ZCWPW1: variants seen among roughly 807,000 people sequenced by gnomAD.
The protein encoded by ZCWPW1 is zinc finger CW-type PWWP domain protein 1.
In ZCWPW1, 56 loss-of-function variants were observed where a neutral mutation model predicts 81.3. The ratio of observed to expected loss-of-function variants is 0.69; its 90% confidence interval spans 0.56 to 0.86. The LOEUF is 0.86. ZCWPW1 is among the 40% of genes least tolerant of loss of function. The pLI, the probability that ZCWPW1 is intolerant of heterozygous loss-of-function variation, is 0.00. For synonymous variants in ZCWPW1, 250 were observed against 273.7 expected (o/e 0.91, Z 0.86); for missense variants, 650 against 769.8 (o/e 0.84, Z 1.84).
chr7:100,419,654 G>T lies in ZCWPW1; in HGVS notation c.258C>A (p.Asn86Lys). 6.2e-7 allele frequency: 1 copy of T among 1,611,680 alleles called. No homozygotes were observed. Among genetic ancestry groups the T allele is most frequent in the Non-Finnish European group, 8.5e-7 (1 of 1,179,434 alleles). ...EQEKKRKAQINKQAEKKEKEK... is the reference protein window; with the variant it reads ...EQEKKRKAQIKKQAEKKEKEK... ...CCTTTTCTTTCTTCTCTGCTTGCTT[G>T]TTGATTTGTGCCTTTCTTTTTTTCT... The change falls in exon 4 of 18, where the codon AAC becomes AAA. Residue 86 changes from asparagine to lysine, a missense_variant. Asn to Lys is a moderately conservative substitution (Grantham distance 94). Transcript: ENST00000684423.
intron 1 of ZCWPW1, among the ~76,000 whole-genome samples, chr7:100,427,941 T>C (rs67196635): frequency 0.21 from 31,238 of 150,054 alleles, 3,489 homozygotes; most frequent in African/African-American, 0.27. Context: ...CCCCCACTCC[T>C]GCCGAGGCCC....
chr7:100,401,891 G>C lies in ZCWPW1; in HGVS notation c.1625C>G (p.Pro542Arg). Residue 542 changes from proline (P) to arginine (R), a missense_variant and splice_region_variant, in exon 17 of 18, where the codon CCA becomes CGA. By Grantham distance (103) the Pro-to-Arg change is moderately radical (BLOSUM62 -2). Transcript: ENST00000684423. Reference protein sequence around the residue: ...EGQGNSDSDQPGPKKKFKAPQ... With the variant: ...EGQGNSDSDQRGPKKKFKAPQ... ...TTTTCCCAGGCCTTGAGCCTTACCT[G>C]GCTGGTCAGAATCTGAATTCCCTTG... is the stretch of plus-strand genomic sequence containing the variant. 6.2e-7 allele frequency: 1 copy of C among 1,611,420 alleles called. No homozygotes were observed. Among genetic ancestry groups the C allele is most frequent in the Non-Finnish European group, 8.5e-7 (1 of 1,178,510 alleles).
intron 2 of ZCWPW1, among the ~76,000 whole-genome samples, chr7:100,421,998 C>A (rs1796439547): frequency 6.6e-6 from 1 of 152,152 alleles, no homozygotes; most frequent in Admixed American, 6.6e-5. Context: ...GGCCTGACAT[C>A]ATGTGTTTCT....
At position 100,401,375 on chromosome 7, in the gene ZCWPW1, T is replaced by C. The variant is rs369482839; in HGVS notation, c.1628-39A>G. 1.7e-4 allele frequency: 260 copies of C among 1,493,662 alleles called. 4 individuals are homozygous for C. The South Asian group carries it at 3.3e-3, about 19-fold the overall frequency. 92.5% of individuals were successfully genotyped at this position (1,493,662 alleles called of 1,614,324 possible). A position where few individuals can be genotyped will look rare whatever the true frequency, so the allele number is the denominator to read the frequency against. On this transcript the variant is annotated intron_variant, in intron 17 of 17. Coordinates refer to ENST00000684423, the MANE Select transcript of ZCWPW1 (RefSeq NM_001386010.1). ...TGACAAAGCCAAGAGTCCTATTAGGTCAGCCTGTCCTTACCTTTTATAAGT... is the reference window on the plus strand; with the variant it reads ...TGACAAAGCCAAGAGTCCTATTAGGCCAGCCTGTCCTTACCTTTTATAAGT...
Position 100,420,633 on chromosome 7 carries a change from T to G in ZCWPW1, c.17A>C (p.Gln6Pro). 9 of 1,614,140 alleles carry G rather than the reference T, an allele frequency of 5.6e-6. No individual in the cohort carries two copies. Among genetic ancestry groups the G allele is most frequent in the Non-Finnish European group, 7.6e-6 (9 of 1,180,034 alleles). Reference sequence around the variant, plus strand: ...CACTCTTGACTCACCTTCTTTATTCTGCAACGTTGTCATCATTCAGCTTAG... The same window carrying G: ...CACTCTTGACTCACCTTCTTTATTCGGCAACGTTGTCATCATTCAGCTTAG... MMTTLQNKEECGKGPK... is the reference protein window; with the variant it reads MMTTLPNKEECGKGPK... Residue 6 changes from glutamine to proline, a missense_variant, in exon 3 of 18, where the codon CAG becomes CCG. Gln to Pro is a moderately conservative substitution (Grantham distance 76). Transcript: ENST00000684423.
intron 8 of ZCWPW1, among the ~76,000 whole-genome samples, chr7:100,411,819 G>C (rs1264155503): frequency 6.6e-6 from 1 of 152,148 alleles, no homozygotes; most frequent in Non-Finnish European, 1.5e-5. Context: ...TATGGAACTG[G>C]AAATTTATGG....
intron 8 of ZCWPW1, among the ~76,000 whole-genome samples, chr7:100,415,559 T>C (rs1001278253): frequency 6.6e-6 from 1 of 152,224 alleles, no homozygotes; most frequent in East Asian, 1.9e-4. Flanking sequence ...ATGTTTATCC[T>C]CTTTGATTTC....
rs990631217 is a variant in ZCWPW1, at chr7:100,404,087, G to C, written c.1321+91C>G. The C allele has an allele frequency of 4.5e-6, 6 of 1,340,076 alleles. No homozygotes were observed. The East Asian group carries it at 7.3e-5, about 16-fold the overall frequency. 83.0% of individuals were successfully genotyped at this position (1,340,076 alleles called of 1,614,324 possible). The stretch of plus-strand genomic sequence containing the variant: ...AGAATCCAGAATTAGCCTGATGATA[G>C]AGAATATAAAATAAAGAAAAACATG... On this transcript the variant is annotated intron_variant, in intron 14 of 17. Transcript: ENST00000684423.
intron 12 of ZCWPW1, 136 bp from the exon 13 acceptor site, chr7:100,405,229 AC>A: frequency 1.5e-6 from 1 of 687,486 alleles, no homozygotes. Flanking sequence ...GGAGTTCAAC[AC>A]CAGCCTGGCC....
rs1795208456 is a variant in ZCWPW1 at position 100,416,310 on chromosome 7, TC to T, written c.625del (p.Glu209LysfsTer22). ...NRLTLSKRKK[E>X]AQDEKVEKTQ... ...GTATATCTGACTGTACTTACGAGCTTCCTTCTTTCTTTTGCTTAAGGTGAGT... is the reference window on the plus strand; with the variant it reads ...GTATATCTGACTGTACTTACGAGCTTCTTCTTTCTTTTGCTTAAGGTGAGT... On this transcript the variant is annotated frameshift_variant, in exon 7 of 18. Coordinates refer to ENST00000684423, the MANE Select transcript of ZCWPW1 (RefSeq NM_001386010.1). LOFTEE classifies it high-confidence loss of function. 1 of 1,614,012 alleles carries T rather than the reference TC, an allele frequency of 6.2e-7. No individual in the cohort carries two copies. Among genetic ancestry groups the T allele is most frequent in the East Asian group, 2.2e-5 (1 of 44,884 alleles).
intron 1 of ZCWPW1, among the ~76,000 whole-genome samples, chr7:100,425,817 CAT>C (rs1250971094): frequency 1.3e-5 from 2 of 152,138 alleles, no homozygotes; most frequent in Admixed American, 1.3e-4. Context: ...TTTAGGTTAA[CAT>C]ATTTATTATT....
Position 100,405,160 on chromosome 7 carries a change from TG to T in ZCWPW1, c.1174-68del, listed in dbSNP as rs1334163304. The T allele has an allele frequency of 7.4e-6, 11 of 1,491,490 alleles. No homozygotes were observed. In the African/African-American group the frequency reaches 1.2e-4, roughly 17 times the overall value. 92.4% of individuals were successfully genotyped at this position (1,491,490 alleles called of 1,614,324 possible). ...AGATTAGAGTCATGACCAGGTGCGG[TG>T]GCTCACACCTGTAATCCCAGCACTT... is the stretch of plus-strand genomic sequence containing the variant. On this transcript the variant is annotated intron_variant, in intron 12 of 17. Coordinates refer to ENST00000684423, the MANE Select transcript of ZCWPW1 (RefSeq NM_001386010.1).
intron 1 of ZCWPW1, among the ~76,000 whole-genome samples, chr7:100,428,063 G>A (rs1253265661): frequency 2.0e-5 from 3 of 152,054 alleles, no homozygotes; most frequent in African/African-American, 4.8e-5. Context: ...CGAAGGGCTG[G>A]TTGTCGCCCT....
intron 17 of ZCWPW1, among the ~76,000 whole-genome samples, 166 bp from the exon 18 acceptor site, chr7:100,401,502 G>T (rs952102020): frequency 3.3e-5 from 5 of 152,208 alleles, no homozygotes; most frequent in Non-Finnish European, 1.5e-5. Flanking sequence ...CAAGCCGTCT[G>T]CCCTATGCTA....
chr7:100,418,321 G>T (rs1050352184), intron 5 of ZCWPW1, among the ~76,000 whole-genome samples: 6 of 152,148 alleles, frequency 3.9e-5, no homozygotes, highest in African/African-American at 7.2e-5. Flanking sequence ...ATTTGAAGTT[G>T]TTTGTAAATA....
intron 9 of ZCWPW1, 126 bp from the exon 10 acceptor site, chr7:100,408,785 G>A (rs1793576791): frequency 8.8e-7 from 1 of 1,131,466 alleles, no homozygotes; most frequent in Non-Finnish European, 1.2e-6. Flanking sequence ...AGGGGCACCT[G>A]GGAGATCAGC....
intron 12 of ZCWPW1, 70 bp downstream of exon 12, chr7:100,406,624 G>T: frequency 7.0e-7 from 1 of 1,432,846 alleles, no homozygotes; most frequent in South Asian, 1.2e-5. Context: ...TACCCTGGGA[G>T]AAAATGAGGT....
At position 100,421,987 on chromosome 7, in the gene ZCWPW1, C is replaced by T. The variant is rs565184482; in HGVS notation, c.-29-1309G>A. Among the ~76,000 whole-genome samples the T allele has an allele frequency of 9.8e-5, 15 of 152,296 alleles. 1 individual carries two copies. In the South Asian group the frequency reaches 2.9e-3, roughly 29 times the overall value. Reference sequence around the variant, plus strand: ...GATTACAGACGTGAGCCACTACACCCGGCCTGACATCATGTGTTTCTTGAT... The same window carrying T: ...GATTACAGACGTGAGCCACTACACCTGGCCTGACATCATGTGTTTCTTGAT... On this transcript the variant is annotated intron_variant, in intron 2 of 17. Coordinates refer to ENST00000684423, the MANE Select transcript of ZCWPW1 (RefSeq NM_001386010.1).
At chr7:100,417,978 A>G (rs1795646002) in intron 5 of ZCWPW1, among the ~76,000 whole-genome samples, 1 of 151,716 alleles carries the variant, frequency 6.6e-6, no homozygotes, top group Non-Finnish European at 1.5e-5. Flanking sequence ...TCCGCCTCCC[A>G]GGTTCAAGCG....
Sources: allele counts gnomAD v4.1 joint callset (sites outside exome capture counted in the v4.1 genomes callset), GRCh38; gene constraint gnomAD v4.1.1; transcripts MANE v1.5; gene names NCBI Gene and HGNC (gene_info 2026-07-23, HGNC 2026-07-21).